Variants in TNKS observed in about 807,000 individuals in gnomAD.
TNKS encodes the protein tankyrase.
In TNKS, 72 loss-of-function variants were observed where a neutral mutation model predicts 135.8. The ratio of observed to expected loss-of-function variants is 0.53; its 90% confidence interval spans 0.44 to 0.64. The LOEUF is 0.64. Among genes scored for constraint, TNKS ranks in the 30% least tolerant of loss-of-function variants. The pLI is 0.00. For missense variants in TNKS, 1,769 were observed against 1,674.0 expected (o/e 1.06, Z -0.99); for synonymous variants, 849 against 649.3 (o/e 1.31, Z -4.68).
At chr8:9,759,275 G>A (rs1452940296) in intron 20 of TNKS, among the ~76,000 whole-genome samples, 3 of 152,166 alleles carry the variant, frequency 2.0e-5, no homozygotes, top group East Asian at 1.9e-4. Flanking sequence ...AAGCGTGAGC[G>A]CCCAAGATGG....
At chr8:9,670,612 C>G (rs749141741) in intron 3 of TNKS, 6 of 152,224 alleles carry the variant, frequency 3.9e-5, no homozygotes, top group South Asian at 2.1e-4. Flanking sequence ...ATAAACTTGT[C>G]TGCCTAGTTA....
At chr8:9,588,419 C>A (rs1798468654) in intron 2 of TNKS, among the ~76,000 whole-genome samples, 1 of 152,076 alleles carries the variant, frequency 6.6e-6, no homozygotes, top group African/African-American at 2.4e-5. Flanking sequence ...GGACTACAGG[C>A]ACCCGCCACC....
At chr8:9,748,303 G>C (rs1806342265) in intron 18 of TNKS, 91 bp downstream of exon 18, 7 of 1,157,826 alleles carry the variant, frequency 6.0e-6, no homozygotes, top group East Asian at 3.1e-5. Context: ...TTTTAGTCGT[G>C]TTTATTTCAC....
chr8:9,754,511 CTCTT>C (rs1363550249), intron 20 of TNKS, among the ~76,000 whole-genome samples: 2 of 151,988 alleles, frequency 1.3e-5, no homozygotes, highest in Non-Finnish European at 2.9e-5. Flanking sequence ...TCTGCTTTCT[CTCTT>C]TTTTTTAGCT....
At chr8:9,695,969 A>G (rs1257399080) in intron 5 of TNKS, among the ~76,000 whole-genome samples, 1 of 152,248 alleles carries the variant, frequency 6.6e-6, no homozygotes, top group Non-Finnish European at 1.5e-5. Context: ...GGAGAAAAGC[A>G]TGAGAAGTCT....
At chr8:9,575,371 C>G in intron 1 of TNKS, 1 of 985,118 alleles carries the variant, frequency 1.0e-6, no homozygotes, top group Non-Finnish European at 1.2e-6. Context: ...GCCACCGCGC[C>G]CGGCGGATAA....
intron 3 of TNKS, among the ~76,000 whole-genome samples, chr8:9,646,145 G>C (rs974715125): frequency 6.6e-6 from 1 of 151,966 alleles, no homozygotes; most frequent in African/African-American, 2.4e-5. Flanking sequence ...AACATTTATT[G>C]CTTGCTTGCT....
At chr8:9,747,485 C>A (rs755664493) in intron 17 of TNKS, among the ~76,000 whole-genome samples, 1 of 152,270 alleles carries the variant, frequency 6.6e-6, no homozygotes, top group Admixed American at 6.5e-5. Context: ...TTAGACATAA[C>A]AGACCAATTT....
At chr8:9,776,311 G>T (rs1044435497) in intron 26 of TNKS, among the ~76,000 whole-genome samples, 1 of 152,204 alleles carries the variant, frequency 6.6e-6, no homozygotes, top group Non-Finnish European at 1.5e-5. Context: ...CACACGCTGT[G>T]TGACAGCACC....
rs557957106 is a variant in TNKS at position 9,751,687 on chromosome 8, G to A, written c.2911G>A (p.Val971Ile). The A allele has an allele frequency of 3.7e-6, 6 of 1,614,194 alleles. No individual in the cohort carries two copies. The East Asian group carries it at 1.1e-4, about 30-fold the overall frequency. ...LPTCFKPQAT[V>I]VSASLISPAS... ...TACCTGTTTTAAACCTCAGGCTACTGTAGTGAGTGCCTCTCTGATCTCACC... is the reference window on the plus strand; with the variant it reads ...TACCTGTTTTAAACCTCAGGCTACTATAGTGAGTGCCTCTCTGATCTCACC... The change falls in exon 19 of 27, where the codon GTA becomes ATA. Residue 971 changes from valine (V) to isoleucine (I), a missense_variant. Val to Ile is a conservative substitution (Grantham distance 29). Coordinates refer to ENST00000310430, the MANE Select transcript of TNKS (RefSeq NM_003747.3).
intron 3 of TNKS, among the ~76,000 whole-genome samples, chr8:9,636,912 A>T (rs879732326): frequency 2.0e-5 from 3 of 152,220 alleles, no homozygotes; most frequent in Admixed American, 2.0e-4. Context: ...CATCAGGCCT[A>T]CTTAGAATGT....
At chr8:9,585,232 C>T (rs1043585182) in intron 2 of TNKS, among the ~76,000 whole-genome samples, 16 of 151,328 alleles carry the variant, frequency 1.1e-4, no homozygotes, top group Non-Finnish European at 1.9e-4. Flanking sequence ...TGGAAGCTTA[C>T]GTGTGAGATG....
At chr8:9,746,306 C>T (rs1806232767) in intron 17 of TNKS, among the ~76,000 whole-genome samples, 1 of 152,080 alleles carries the variant, frequency 6.6e-6, no homozygotes, top group Non-Finnish European at 1.5e-5. Flanking sequence ...CTTAAAAAGC[C>T]TATTTGTTGA....
intron 17 of TNKS, among the ~76,000 whole-genome samples, chr8:9,743,772 G>A (rs900988484): frequency 1.1e-4 from 16 of 152,130 alleles, no homozygotes; most frequent in African/African-American, 3.6e-4. Flanking sequence ...TTAAAAATTA[G>A]TAAATTCCTT....
chr8:9,725,779 G>A (rs1006111406), intron 12 of TNKS, among the ~76,000 whole-genome samples: 2 of 152,064 alleles, frequency 1.3e-5, no homozygotes, highest in Admixed American at 6.6e-5. Context: ...CATACTTTTG[G>A]TTGACATATT....
Position 9,751,851 on chromosome 8 carries a change from G to T in TNKS, c.3070+5G>T. Reference sequence around the variant, plus strand: ...CAGAAAGGAAGGAAGGAGAAGGTGAGTAGACCCCATGAATGCTTATTTATT... The same window carrying T: ...CAGAAAGGAAGGAAGGAGAAGGTGATTAGACCCCATGAATGCTTATTTATT... On this transcript the variant is annotated splice_donor_5th_base_variant and intron_variant, in intron 19 of 26. Transcript: ENST00000310430. 6.2e-7 allele frequency: 1 copy of T among 1,612,926 alleles called. No individual in the cohort carries two copies. The highest frequency in any genetic ancestry group is 8.5e-7 in the Non-Finnish European group (1 of 1,178,942).
At position 9,556,547 on chromosome 8, in the gene TNKS, A is replaced by G. The variant is rs1585161558; in HGVS notation, c.608A>G (p.Asp203Gly). 3 of 1,614,110 alleles carry G rather than the reference A, an allele frequency of 1.9e-6. No homozygotes were observed. The highest frequency in any genetic ancestry group is 1.7e-6 in the Non-Finnish European group (2 of 1,180,026). ...GDVSRVKRLVDAANVNAKDMA... is the reference protein window; with the variant it reads ...GDVSRVKRLVGAANVNAKDMA... ...GTGTCCCGGGTAAAGAGGCTGGTGG[A>G]CGCGGCAAACGTAAATGCAAAGGAC... The change falls in exon 1 of 27, where the codon GAC (aspartate) becomes GGC (glycine). Residue 203 changes from aspartate to glycine, a missense_variant. By Grantham distance (94) the Asp-to-Gly change is moderately conservative. This residue lies in a region of TNKS where 450 missense variants were observed against 304.9 expected (regional missense o/e 1.48). Coordinates refer to ENST00000310430, the MANE Select transcript of TNKS (RefSeq NM_003747.3).
At chr8:9,754,026 C>T (rs571594054) in intron 20 of TNKS, among the ~76,000 whole-genome samples, 1 of 152,330 alleles carries the variant, frequency 6.6e-6, no homozygotes, top group Admixed American at 6.5e-5. Flanking sequence ...CATCCATCTT[C>T]ACATTGCCTT....
chr8:9,622,941 A>G (rs1013855373), intron 3 of TNKS, among the ~76,000 whole-genome samples: 1 of 152,216 alleles, frequency 6.6e-6, no homozygotes, highest in Non-Finnish European at 1.5e-5. Context: ...ATATGTACAT[A>G]CCTGTAATAA....
Sources: allele counts gnomAD v4.1 joint callset (sites outside exome capture counted in the v4.1 genomes callset), GRCh38; gene constraint gnomAD v4.1.1; regional missense constraint gnomAD v4.1.1; transcripts MANE v1.5; gene names NCBI Gene and HGNC (gene_info 2026-07-23, HGNC 2026-07-21).